Variants in ANKRD27 observed in about 807,000 individuals in gnomAD.
ANKRD27 encodes the protein ankyrin repeat domain 27, also known as ankyrin repeat domain-containing protein 27.
ANKRD27 carries 112 observed loss-of-function variants against 129.7 expected under a neutral mutation model. The observed-to-expected ratio is 0.86, with a 90% CI of 0.74 to 1.01. The LOEUF (loss-of-function observed/expected upper bound fraction) is 1.01. Among genes scored for constraint, ANKRD27 ranks in the 50% least tolerant of loss-of-function variants. The pLI is 0.00. For synonymous variants in ANKRD27, 516 were observed against 511.2 expected (o/e 1.01, Z -0.13); for missense variants, 1,258 against 1,300.5 (o/e 0.97, Z 0.50).
chr19:32,625,536 T>C (rs1474885620), intron 17 of ANKRD27, among the ~76,000 whole-genome samples: 2 of 151,784 alleles, frequency 1.3e-5, no homozygotes, highest in Non-Finnish European at 2.9e-5. Flanking sequence ...GTTCAACTGA[T>C]TCTCATGCCT....
chr19:32,655,623 G>A (rs1424413514), intron 2 of ANKRD27, among the ~76,000 whole-genome samples: 1 of 152,348 alleles, frequency 6.6e-6, no homozygotes. Flanking sequence ...GCTCATACCT[G>A]TAATCCCAGC....
chr19:32,647,923 A>G (rs1357396176), intron 3 of ANKRD27, among the ~76,000 whole-genome samples: 1 of 152,172 alleles, frequency 6.6e-6, no homozygotes, highest in Non-Finnish European at 1.5e-5. Context: ...AGAACACAGA[A>G]TTTCTTCTCC....
chr19:32,599,658 C>T, intron 28 of ANKRD27, 46 bp downstream of exon 28: 1 of 1,557,258 alleles, frequency 6.4e-7, no homozygotes. Context: ...TTTGACAAAG[C>T]CGGGCTTTAG....
At chr19:32,639,713 A>T (rs1967159735) in intron 11 of ANKRD27, among the ~76,000 whole-genome samples, 1 of 152,210 alleles carries the variant, frequency 6.6e-6, no homozygotes, top group Non-Finnish European at 1.5e-5. Context: ...TGATTACCGT[A>T]AACTGAGCTG....
intron 21 of ANKRD27, among the ~76,000 whole-genome samples, chr19:32,616,775 T>A (rs558500907): frequency 5.1e-4 from 78 of 152,302 alleles, no homozygotes; most frequent in Non-Finnish European, 9.6e-4. Context: ...TACCTGCTTA[T>A]GACTCCTCAG....
chr19:32,641,602 C>T (rs574249563), intron 10 of ANKRD27, among the ~76,000 whole-genome samples: 1 of 152,084 alleles, frequency 6.6e-6, no homozygotes, highest in Non-Finnish European at 1.5e-5. Flanking sequence ...ACCATCATAT[C>T]GTGGCTAAAC....
At position 32,639,283 on chromosome 19, in the gene ANKRD27, T is replaced by A. The variant is rs750275540; in HGVS notation, c.1116+73A>T. On this transcript the variant is annotated intron_variant, in intron 12 of 28. Coordinates refer to ENST00000306065, the MANE Select transcript of ANKRD27 (RefSeq NM_032139.3). Reference sequence around the variant, plus strand: ...CAATTTAAGAATCCGTCTGCCCACATACCAACCCCAGCACCCTATCAAGGG... The same window carrying A: ...CAATTTAAGAATCCGTCTGCCCACAAACCAACCCCAGCACCCTATCAAGGG... 9.5e-5 allele frequency: 151 copies of A among 1,585,254 alleles called. 1 individual carries two copies. In the Middle Eastern group the frequency reaches 4.9e-3, roughly 52 times the overall value.
intron 13 of ANKRD27, among the ~76,000 whole-genome samples, chr19:32,630,385 C>T (rs1486674436): frequency 6.6e-6 from 1 of 152,192 alleles, no homozygotes; most frequent in Admixed American, 6.5e-5. Context: ...CAGGGAGCTG[C>T]CCCCATGTGC....
chr19:32,646,960 G>C (rs1055845366), intron 3 of ANKRD27, among the ~76,000 whole-genome samples: 2 of 152,008 alleles, frequency 1.3e-5, no homozygotes, highest in African/African-American at 4.8e-5. Context: ...TGAGTACGTG[G>C]CACTACAGGC....
At position 32,643,576 on chromosome 19, in the gene ANKRD27, T is replaced by C. The variant is rs1555744988; in HGVS notation, c.581A>G (p.His194Arg). 2 of 1,613,730 alleles carry C rather than the reference T, an allele frequency of 1.2e-6. No homozygotes were observed. The highest frequency in any genetic ancestry group is 1.7e-6 in the Non-Finnish European group (2 of 1,179,990). Residue 194 changes from histidine to arginine, a missense_variant, in exon 6 of 29, where the codon CAC (histidine) becomes CGC (arginine). By Grantham distance (29) the His-to-Arg change is conservative. Coordinates refer to ENST00000306065, the MANE Select transcript of ANKRD27 (RefSeq NM_032139.3). ...CTCAGAAGTCCTGCTGCTTACCAGG[T>C]GAGAGTCCCTCAGAAGCTGCTGGAG... ...KCLQQLLRDS[H>R]LKMLAKQEAQ... is the part of the protein sequence containing the mutation.
At chr19:32,608,341 G>A in intron 22 of ANKRD27, 1 of 290,562 alleles carries the variant, frequency 3.4e-6, no homozygotes, top group Non-Finnish European at 6.9e-6. Flanking sequence ...CACCAGGGCT[G>A]TAGAGCCTCC....
chr19:32,618,258 C>T (rs1192903902), intron 20 of ANKRD27, among the ~76,000 whole-genome samples: 1 of 151,138 alleles, frequency 6.6e-6, no homozygotes, highest in Non-Finnish European at 1.5e-5. Flanking sequence ...GCCATGGTCG[C>T]CTTGGAACAC....
At chr19:32,601,388 A>G (rs1971651510) in intron 26 of ANKRD27, among the ~76,000 whole-genome samples, 1 of 152,054 alleles carries the variant, frequency 6.6e-6, no homozygotes, top group African/African-American at 2.4e-5. Context: ...CGAGGTCAGG[A>G]GATGGAGACC....
intron 12 of ANKRD27, among the ~76,000 whole-genome samples, chr19:32,632,422 T>G (rs1416414060): frequency 1.3e-5 from 2 of 151,608 alleles, no homozygotes. Flanking sequence ...CCCTCTCTAC[T>G]AAAAATACAA....
At position 32,631,470 on chromosome 19, in the gene ANKRD27, G is replaced by T; in HGVS notation, c.1141C>A (p.Leu381Met). The change falls in exon 13 of 29, where the codon CTG becomes ATG. Residue 381 changes from leucine (L) to methionine (M), a missense_variant. Physicochemically the swap from Leu to Met is conservative, Grantham distance 15 (BLOSUM62 2). Transcript: ENST00000306065. ...AAGCTCATTCTCTGCTTAAGGAACA[G>T]CCTGTCTCCAAATCCCTCAGACTCC... ...PPESEGFGDR[L>M]FLKQRMSLLS... The T allele has an allele frequency of 6.2e-7, 1 of 1,614,128 alleles. No homozygotes were observed. The highest frequency in any genetic ancestry group is 8.5e-7 in the Non-Finnish European group (1 of 1,180,014).
chr19:32,622,289 G>T, intron 18 of ANKRD27, 133 bp downstream of exon 18: 1 of 902,380 alleles, frequency 1.1e-6, no homozygotes, highest in South Asian at 1.5e-5. Context: ...CGTCCCACAT[G>T]CGGCAGAAAG....
intron 2 of ANKRD27, among the ~76,000 whole-genome samples, chr19:32,651,724 T>C (rs1254723194): frequency 1.3e-5 from 2 of 152,110 alleles, no homozygotes; most frequent in African/African-American, 4.8e-5. Flanking sequence ...TGTGCCCACA[T>C]GCTGCCCGCT....
intron 12 of ANKRD27, among the ~76,000 whole-genome samples, chr19:32,634,368 G>A (rs997533344): frequency 1.3e-5 from 2 of 152,168 alleles, no homozygotes; most frequent in African/African-American, 2.4e-5. Context: ...GTAAATATAC[G>A]AGCATCTCTC....
chr19:32,661,914 CTTTGCT>C (rs1443844304), intron 1 of ANKRD27, among the ~76,000 whole-genome samples: 1 of 152,194 alleles, frequency 6.6e-6, no homozygotes, highest in African/African-American at 2.4e-5. Flanking sequence ...ATTTGCCACT[CTTTGCT>C]TTTAAGGTCA....
Sources: gnomAD v4.1 joint callset for allele counts (sites outside exome capture counted in the v4.1 genomes callset) on GRCh38, gnomAD v4.1.1 for gene constraint, MANE v1.5 for transcripts, NCBI Gene and HGNC (gene_info 2026-07-23, HGNC 2026-07-21) for gene names.